The following SGIP1 variants were observed in gnomAD, a reference collection of about 807,000 sequenced individuals.
The protein encoded by SGIP1 is SH3GL interacting endocytic adaptor 1.
Under a neutral mutation model 107.5 loss-of-function variants are expected in SGIP1, and 38 were observed. The observed-to-expected ratio is 0.35, with a 90% CI of 0.27 to 0.46. The LOEUF (loss-of-function observed/expected upper bound fraction) is 0.46. Among genes scored for constraint, SGIP1 ranks in the 20% least tolerant of loss-of-function variants. SGIP1 has a pLI of 1.00. For synonymous variants in SGIP1, 365 were observed against 366.1 expected (o/e 1.00, Z 0.03); for missense variants, 929 against 1,019.5 (o/e 0.91, Z 1.21).
chr1:66,720,446 G>T (rs1233840088), intron 19 of SGIP1, among the ~76,000 whole-genome samples: 1 of 152,168 alleles, frequency 6.6e-6, no homozygotes, highest in African/African-American at 2.4e-5. Flanking sequence ...AAGAACTGGA[G>T]ACTAGGCATG....
intron 1 of SGIP1, chr1:66,590,721 T>C (rs182333523): frequency 4.9e-4 from 74 of 152,264 alleles, no homozygotes; most frequent in African/African-American, 1.8e-3. Context: ...TATTACTAAG[T>C]GAAAGAAGCC....
chr1:66,701,879 A>G (rs1384091281), intron 18 of SGIP1, among the ~76,000 whole-genome samples: 1 of 152,252 alleles, frequency 6.6e-6, no homozygotes. Context: ...TAGAGAGGAC[A>G]TAAATGTACA....
rs530079779 is a variant in SGIP1 at position 66,731,534 on chromosome 1, T to TA, written c.1898+2125dup. Among the ~76,000 whole-genome samples, 287 of 148,226 alleles carry TA rather than the reference T, an allele frequency of 1.9e-3. 1 individual carries two copies. Among genetic ancestry groups the TA allele is most frequent in the African/African-American group, 5.6e-3 (228 of 40,446 alleles). ...ACCCTTAAATTATTATTTACAAAAG[T>TA]AAAAAAAAAAGAAATAAAATATATC... On this transcript the variant is annotated intron_variant, in intron 20 of 24. Coordinates refer to ENST00000371037, the MANE Select transcript of SGIP1 (RefSeq NM_032291.4).
chr1:66,551,931 T>A (rs2057474969), intron 1 of SGIP1, among the ~76,000 whole-genome samples: 1 of 152,140 alleles, frequency 6.6e-6, no homozygotes, highest in Non-Finnish European at 1.5e-5. Flanking sequence ...CTGCACAACT[T>A]ATCAGTGTAC....
rs116060155 is a variant in SGIP1 at position 66,610,070 on chromosome 1, C to T, written c.11-15777C>T. Among the ~76,000 whole-genome samples, 635 of 152,110 alleles carry T rather than the reference C, an allele frequency of 4.2e-3. 6 individuals carry two copies. Among genetic ancestry groups the T allele is most frequent in the African/African-American group, 0.014 (578 of 41,514 alleles). Reference sequence around the variant, plus strand: ...CAAATTTCAGCTAAAAAGTTATTAGCGTCACTGGAAATGTGAGTCAGATTT... The same window carrying T: ...CAAATTTCAGCTAAAAAGTTATTAGTGTCACTGGAAATGTGAGTCAGATTT... On this transcript the variant is annotated intron_variant, in intron 1 of 24. Transcript: ENST00000371037.
intron 7 of SGIP1, among the ~76,000 whole-genome samples, chr1:66,656,850 A>G (rs1272129351): frequency 6.6e-6 from 1 of 152,180 alleles, no homozygotes; most frequent in Non-Finnish European, 1.5e-5. Context: ...TGATTATTTT[A>G]TAATAGAATC....
At chr1:66,687,936 G>A (rs1326358630) in intron 15 of SGIP1, among the ~76,000 whole-genome samples, 1 of 152,186 alleles carries the variant, frequency 6.6e-6, no homozygotes, top group Non-Finnish European at 1.5e-5. Context: ...AACAAGAGGA[G>A]CAAGGTTTAA....
intron 3 of SGIP1, chr1:66,634,105 C>T (rs755953960): frequency 8.1e-6 from 13 of 1,609,320 alleles, no homozygotes; most frequent in Non-Finnish European, 1.1e-5. Context: ...ACCCAGAAGA[C>T]TCAGCTTCTC....
At position 66,671,960 on chromosome 1, in the gene SGIP1, A is replaced by G. The variant is rs1474099624; in HGVS notation, c.525A>G (p.Arg175=). The change falls in exon 11 of 25, where the codon AGA becomes AGG. Residue 175 remains arginine (R), a synonymous_variant. Transcript: ENST00000371037. ...KRNLSSEEVA[R]PRRSTPTPEL... is the part of the protein sequence containing the mutation. ...GTGCATCAGGTGAAGAAGTGGCAAGACCCAGGCGTTCCACACCAACTCCAG... is the reference window on the plus strand; with the variant it reads ...GTGCATCAGGTGAAGAAGTGGCAAGGCCCAGGCGTTCCACACCAACTCCAG... The G allele has an allele frequency of 1.9e-6, 3 of 1,614,058 alleles. No individual in the cohort carries two copies. The Admixed American group carries it at 5.0e-5, about 27-fold the overall frequency.
rs557318027 is a variant in SGIP1, at chr1:66,672,992, T to C, written c.561-289T>C. Reference sequence around the variant, plus strand: ...CTCTTCTAGGTATAGAAAATCATGATGCTTTGAAAGAGTTATTCTCCTTCA... The same window carrying C: ...CTCTTCTAGGTATAGAAAATCATGACGCTTTGAAAGAGTTATTCTCCTTCA... On this transcript the variant is annotated intron_variant, in intron 11 of 24. Transcript: ENST00000371037. 3.3e-5 allele frequency among the ~76,000 whole-genome samples: 5 copies of C among 152,328 alleles called. No individual in the cohort carries two copies. In the South Asian group the frequency reaches 8.3e-4, roughly 25 times the overall value.
Position 66,749,164 on chromosome 1 carries a change from T to C in SGIP1, c.*6069T>C, listed in dbSNP as rs142441817. Among the ~76,000 whole-genome samples the C allele has an allele frequency of 6.8e-4, 104 of 152,138 alleles. 4 individuals are homozygous for C. The East Asian group carries it at 0.019, about 28-fold the overall frequency. On this transcript the variant is annotated 3_prime_UTR_variant, in exon 25 of 25. Transcript: ENST00000371037. ...TAAAATTATTTTAATTTTTGTATTATTTTTAAGGCTTGCACCTATGACCAG... is the reference window on the plus strand; with the variant it reads ...TAAAATTATTTTAATTTTTGTATTACTTTTAAGGCTTGCACCTATGACCAG...
chr1:66,750,005 C>CTCTTTA lies in SGIP1; in HGVS notation c.*6913_*6914insTTATCT, dbSNP rs2094602314. Among the ~76,000 whole-genome samples the CTCTTTA allele has an allele frequency of 1.5e-5, 2 of 132,554 alleles. No individual in the cohort carries two copies. The highest frequency in any genetic ancestry group is 2.9e-5 in the African/African-American group (1 of 35,004). 87.0% of individuals were successfully genotyped at this position (132,554 alleles called of 152,430 possible). A position where few individuals can be genotyped will look rare whatever the true frequency, so the allele number is the denominator to read the frequency against. Reference sequence around the variant, plus strand: ...CCTATCTAATTCATATTCTCTCTCTCTCTCTCTCTCTTTCTCTGTGTGTGT... The same window carrying CTCTTTA: ...CCTATCTAATTCATATTCTCTCTCTCTCTTTATCTCTCTCTCTTTCTCTGTGTGTGT... On this transcript the variant is annotated 3_prime_UTR_variant, in exon 25 of 25. Coordinates refer to ENST00000371037, the MANE Select transcript of SGIP1 (RefSeq NM_032291.4).
At chr1:66,634,855 C>T (rs1365265033) in intron 3 of SGIP1, among the ~76,000 whole-genome samples, 1 of 152,178 alleles carries the variant, frequency 6.6e-6, no homozygotes, top group Non-Finnish European at 1.5e-5. Context: ...TTACTATGGT[C>T]ACTGAATTTT....
chr1:66,690,280 A>G lies in SGIP1; in HGVS notation c.1534A>G (p.Thr512Ala), dbSNP rs747106857. 6.2e-7 allele frequency: 1 copy of G among 1,614,044 alleles called. No homozygotes were observed. Among genetic ancestry groups the G allele is most frequent in the African/African-American group, 1.3e-5 (1 of 74,914 alleles). Residue 512 changes from threonine to alanine, a missense_variant, in exon 17 of 25, where the codon ACC becomes GCC. By Grantham distance (58) the Thr-to-Ala change is moderately conservative. Transcript: ENST00000371037. The stretch of plus-strand genomic sequence containing the variant: ...TGAAAGCACTTCTTCAATATCGTCA[A>G]CCAATTCCTTGAGCGCAGCCACCAC... ...RAESTSSISSTNSLSAATTPT... is the reference protein window; with the variant it reads ...RAESTSSISSANSLSAATTPT...
chr1:66,574,905 G>A (rs2148656422), intron 1 of SGIP1, among the ~76,000 whole-genome samples: 1 of 152,286 alleles, frequency 6.6e-6, no homozygotes, highest in South Asian at 2.1e-4. Flanking sequence ...ATATTTTGGA[G>A]CGTTAAACTA....
At chr1:66,676,636 A>G (rs2085412661) in intron 12 of SGIP1, among the ~76,000 whole-genome samples, 2 of 152,226 alleles carry the variant, frequency 1.3e-5, no homozygotes. Flanking sequence ...ACTTACAGCA[A>G]AACAAATGTT....
intron 21 of SGIP1, among the ~76,000 whole-genome samples, chr1:66,737,698 C>G (rs1244844975): frequency 6.6e-6 from 1 of 152,120 alleles, no homozygotes; most frequent in African/African-American, 2.4e-5. Flanking sequence ...CTATAAGAAG[C>G]TAATAATAGC....
Position 66,636,016 on chromosome 1 carries a change from G to T in SGIP1, c.171+1G>T. The T allele has an allele frequency of 1.9e-6, 3 of 1,613,162 alleles. No homozygotes were observed. Among genetic ancestry groups the T allele is most frequent in the Non-Finnish European group, 2.5e-6 (3 of 1,179,556 alleles). On this transcript the variant is annotated splice_donor_variant, in intron 4 of 24. Transcript: ENST00000371037. LOFTEE classifies it high-confidence loss of function. Reference sequence around the variant, plus strand: ...GCGTGAAGGAGGAAAAAAAGTTTCGGTAAGGAAACAGATTTTAGTTTAAAA... The same window carrying T: ...GCGTGAAGGAGGAAAAAAAGTTTCGTTAAGGAAACAGATTTTAGTTTAAAA...
intron 2 of SGIP1, among the ~76,000 whole-genome samples, chr1:66,630,227 A>G (rs1344956564): frequency 3.3e-5 from 5 of 152,198 alleles, no homozygotes; most frequent in Non-Finnish European, 7.3e-5. Flanking sequence ...TGCAATAAGC[A>G]TGAGGTCAAA....
Sources: allele counts gnomAD v4.1 joint callset (sites outside exome capture counted in the v4.1 genomes callset), GRCh38; gene constraint gnomAD v4.1.1; transcripts MANE v1.5; gene names NCBI Gene and HGNC (gene_info 2026-07-23, HGNC 2026-07-21).